MINK1: variants seen among roughly 807,000 people sequenced by gnomAD.
MINK1 encodes misshapen-like kinase 1.
A neutral mutation model predicts 178.4 loss-of-function variants in MINK1; 46 were observed. The observed-to-expected ratio is 0.26, with a 90% CI of 0.20 to 0.33. The LOEUF (loss-of-function observed/expected upper bound fraction) is 0.33, where lower values mean the gene tolerates loss of function less well. MINK1 is among the 10% of genes least tolerant of loss of function. MINK1 has a pLI of 1.00. For missense variants in MINK1, 1,366 were observed against 1,814.9 expected (o/e 0.75, Z 4.49); for synonymous variants, 797 against 709.7 (o/e 1.12, Z -1.96).
At chr17:4,879,487 C>T (rs1967504064) in intron 2 of MINK1, among the ~76,000 whole-genome samples, 1 of 152,120 alleles carries the variant, frequency 6.6e-6, no homozygotes, top group Admixed American at 6.5e-5. Context: ...CAATCTCTTG[C>T]CTTGTTGTTG....
intron 1 of MINK1, among the ~76,000 whole-genome samples, chr17:4,845,604 G>A (rs1251791000): frequency 6.6e-6 from 1 of 151,918 alleles, no homozygotes; most frequent in Non-Finnish European, 1.5e-5. Context: ...CATACTCCTG[G>A]ACAGACCCAA....
chr17:4,873,948 C>T (rs769708126), intron 1 of MINK1, among the ~76,000 whole-genome samples: 1 of 152,006 alleles, frequency 6.6e-6, no homozygotes, highest in Non-Finnish European at 1.5e-5. Flanking sequence ...ACAATCCAAC[C>T]CCCTCTTAGC....
In MINK1 at chr17:4,896,038, C is replaced by T; in HGVS notation, c.3400C>T (p.Leu1134Phe). 6.2e-7 allele frequency: 1 copy of T among 1,605,642 alleles called. No individual in the cohort carries two copies. Among genetic ancestry groups the T allele is most frequent in the Non-Finnish European group, 8.5e-7 (1 of 1,176,080 alleles). ...YERIKFLVIA[L>F]KSSVEVYAWA... ...GCGGATTAAGTTCCTGGTCATCGCC[C>T]TCAAGAGCTCCGTGGAGGTGTATGC... The change falls in exon 28 of 32, where the codon CTC becomes TTC. Residue 1134 changes from leucine (L) to phenylalanine (F), a missense_variant. By Grantham distance (22) the Leu-to-Phe change is conservative. Coordinates refer to ENST00000355280, the MANE Select transcript of MINK1 (RefSeq NM_153827.5). This position sits in a 1 kb window ranked among gnomAD's most constrained non-coding sequence, Gnocchi z 4.6.
Position 4,887,271 on chromosome 17 carries a change from G to A in MINK1, c.1019+92G>A, listed in dbSNP as rs911632116. On this transcript the variant is annotated intron_variant, in intron 11 of 31. Coordinates refer to ENST00000355280, the MANE Select transcript of MINK1 (RefSeq NM_153827.5). The surrounding 1 kb of genome is among the most constrained non-coding windows in gnomAD (Gnocchi z 7.6). ...TGGCTTTGGGGACTCTCAGCCTGGG[G>A]GTGGTGGGCACAGAGAGGTAGAGAC... 26 of 1,328,670 alleles carry A rather than the reference G, an allele frequency of 2.0e-5. No individual in the cohort carries two copies. In the African/African-American group the frequency reaches 3.5e-4, roughly 18 times the overall value. 82.3% of individuals were successfully genotyped at this position (1,328,670 alleles called of 1,614,324 possible).
In MINK1 at chr17:4,892,206, T is replaced by C. The variant is rs1299079555; in HGVS notation, c.2059T>C (p.Ser687Pro). 6.3e-7 allele frequency: 1 copy of C among 1,596,754 alleles called. No homozygotes were observed. The highest frequency in any genetic ancestry group is 8.5e-7 in the Non-Finnish European group (1 of 1,172,744). The change falls in exon 17 of 32, where the codon TCC becomes CCC. Residue 687 changes from serine to proline, a missense_variant. Ser to Pro is a moderately conservative substitution (Grantham distance 74). Around this residue, in one of 14 missense-constraint regions of MINK1, gnomAD observed 709 missense variants for 692.3 expected, o/e 1.02. Coordinates refer to ENST00000355280, the MANE Select transcript of MINK1 (RefSeq NM_153827.5). ...CCTTAACACCAGTGGGGCCGGAGGG[T>C]CCCGGCCAGCCCAGGCAGTCCGTGC... The part of the protein sequence containing the change: ...TALNTSGAGG[S>P]RPAQAVRARP...
Position 4,897,505 on chromosome 17 carries a change from C to CCAGCTTCTGGGGAGGGACA in MINK1, c.*226_*244dup. ...CCTCTTCCCAAAACTGTGCCTGTCC[C>CCAGCTTCTGGGGAGGGACA]CAGCTTCTGGGGAGGGACACAGCTT... On this transcript the variant is annotated 3_prime_UTR_variant, in exon 32 of 32. Coordinates refer to ENST00000355280, the MANE Select transcript of MINK1 (RefSeq NM_153827.5). 1 of 533,448 alleles carries CCAGCTTCTGGGGAGGGACA rather than the reference C, an allele frequency of 1.9e-6. No homozygotes were observed. Among genetic ancestry groups the CCAGCTTCTGGGGAGGGACA allele is most frequent in the South Asian group, 2.3e-5 (1 of 43,006 alleles). 33.0% of individuals were successfully genotyped at this position (533,448 alleles called of 1,614,324 possible).
Position 4,890,539 on chromosome 17 carries a change from A to C in MINK1, c.1370A>C (p.Glu457Ala). The C allele has an allele frequency of 6.3e-7, 1 of 1,590,264 alleles. No homozygotes were observed. The highest frequency in any genetic ancestry group is 8.6e-7 in the Non-Finnish European group (1 of 1,169,058). ...REQEYKRKQL[E>A]EQRQSERLQR... Reference sequence around the variant, plus strand: ...CAGGAATACAAGCGGAAGCAGCTGGAGGAGCAGCGGCAGTCAGAACGTCTC... The same window carrying C: ...CAGGAATACAAGCGGAAGCAGCTGGCGGAGCAGCGGCAGTCAGAACGTCTC... The change falls in exon 14 of 32, where the codon GAG becomes GCG. Residue 457 changes from glutamate (E) to alanine (A), a missense_variant. Glu to Ala is a moderately radical substitution (Grantham distance 107). Coordinates refer to ENST00000355280, the MANE Select transcript of MINK1 (RefSeq NM_153827.5).
chr17:4,856,222 G>A (rs1913109978), intron 1 of MINK1, among the ~76,000 whole-genome samples: 1 of 152,094 alleles, frequency 6.6e-6, no homozygotes, highest in Non-Finnish European at 1.5e-5. Context: ...GTTGGCTCTG[G>A]GGTAAATGGA....
At chr17:4,883,728 CAG>C (rs1464412967) in intron 4 of MINK1, among the ~76,000 whole-genome samples, 1 of 139,110 alleles carries the variant, frequency 7.2e-6, no homozygotes, top group Non-Finnish European at 1.5e-5. Flanking sequence ...TTAGTAGAGA[CAG>C]GGTTTCACCG....
intron 1 of MINK1, among the ~76,000 whole-genome samples, chr17:4,860,155 G>A (rs1028413315): frequency 1.3e-5 from 2 of 152,198 alleles, no homozygotes. Flanking sequence ...GAATGAGGAC[G>A]GGTAGCCAGA....
intron 1 of MINK1, among the ~76,000 whole-genome samples, chr17:4,845,552 G>A (rs1321368274): frequency 2.0e-5 from 3 of 152,008 alleles, no homozygotes; most frequent in East Asian, 1.9e-4. Flanking sequence ...TCCAGGCCTC[G>A]ACAGTTGAGA....
Position 4,894,454 on chromosome 17 carries a change from G to A in MINK1, c.2809-71G>A, listed in dbSNP as rs1969215535. 1 of 1,520,352 alleles carries A rather than the reference G, an allele frequency of 6.6e-7. No homozygotes were observed. The highest frequency in any genetic ancestry group is 1.4e-5 in the African/African-American group (1 of 72,620). 94.2% of individuals were successfully genotyped at this position (1,520,352 alleles called of 1,614,324 possible). ...TGCCAGTTGGGGAGCTGGAGCCTGGGGAACAGCAGCAGGGGCAGGGCCGCA... is the reference window on the plus strand; with the variant it reads ...TGCCAGTTGGGGAGCTGGAGCCTGGAGAACAGCAGCAGGGGCAGGGCCGCA... On this transcript the variant is annotated intron_variant, in intron 23 of 31. Transcript: ENST00000355280. The surrounding 1 kb of genome is among the most constrained non-coding windows in gnomAD (Gnocchi z 4.1).
In MINK1 at chr17:4,897,406, G is replaced by A. The variant is rs955829655; in HGVS notation, c.*119G>A. ...TTGCTTTTACTGGTTTGATTTCACT[G>A]GAGCCTGCTGGGAACGTGACCTCTG... On this transcript the variant is annotated 3_prime_UTR_variant, in exon 32 of 32. Coordinates refer to ENST00000355280, the MANE Select transcript of MINK1 (RefSeq NM_153827.5). The A allele has an allele frequency of 8.1e-6, 7 of 869,122 alleles. No homozygotes were observed. Among genetic ancestry groups the A allele is most frequent in the Non-Finnish European group, 1.1e-5 (6 of 553,622 alleles). The allele number at this position is 869,122 out of a possible 1,614,324, so 53.8% of individuals were successfully genotyped here.
intron 1 of MINK1, among the ~76,000 whole-genome samples, chr17:4,845,165 G>C (rs774574089): frequency 6.6e-6 from 1 of 152,102 alleles, no homozygotes; most frequent in Admixed American, 6.6e-5. Flanking sequence ...TGTATCATCA[G>C]CCAACCCAGA....
intron 20 of MINK1, 181 bp downstream of exon 20, chr17:4,893,248 T>C (rs1299633379): frequency 6.2e-7 from 1 of 1,609,706 alleles, no homozygotes; most frequent in South Asian, 1.1e-5. Flanking sequence ...TCTCCTAACC[T>C]CTCTTCTGGC....
At chr17:4,861,512 T>A (rs1190934234) in intron 1 of MINK1, among the ~76,000 whole-genome samples, 1 of 152,126 alleles carries the variant, frequency 6.6e-6, no homozygotes, top group Admixed American at 6.6e-5. Context: ...TATTTATTTA[T>A]TTTTTTGAGT....
intron 1 of MINK1, among the ~76,000 whole-genome samples, chr17:4,877,721 G>T (rs1967309688): frequency 6.6e-6 from 1 of 151,152 alleles, no homozygotes; most frequent in African/African-American, 2.4e-5. Flanking sequence ...TGCACATGAG[G>T]GTACAGACGC....
At position 4,867,138 on chromosome 17, in the gene MINK1, G is replaced by GTTTT. The variant is rs759995957; in HGVS notation, c.58-11155_58-11152dup. Among the ~76,000 whole-genome samples the GTTTT allele has an allele frequency of 2.0e-3, 133 of 64,910 alleles. 16 individuals carry two copies. Among genetic ancestry groups the GTTTT allele is most frequent in the African/African-American group, 8.1e-3 (124 of 15,398 alleles). 42.6% of individuals were successfully genotyped at this position (64,910 alleles called of 152,430 possible). ...CACTATAGTAGGTGCTCTTAGGACT[G>GTTTT]TTTTTTTTTTTTTTTTTTTTTTTTT... On this transcript the variant is annotated intron_variant, in intron 1 of 31. Transcript: ENST00000355280.
In MINK1 at chr17:4,893,034, C is replaced by T. The variant is rs756349414; in HGVS notation, c.2367C>T (p.Pro789=). ...TCTCCCCTGGGAATAAAGCCAAGCC[C>T]GACGACCACCGCTCACGGCCAGGCC... ...PVLSPGNKAK[P]DDHRSRPGRP... Residue 789 remains proline (P), a synonymous_variant, in exon 20 of 32, where the codon CCC becomes CCT. Coordinates refer to ENST00000355280, the MANE Select transcript of MINK1 (RefSeq NM_153827.5). 6.3e-6 allele frequency: 10 copies of T among 1,576,322 alleles called. 1 individual carries two copies. In the East Asian group the frequency reaches 1.7e-4, roughly 26 times the overall value.
Sources: gnomAD v4.1 joint callset for allele counts (sites outside exome capture counted in the v4.1 genomes callset) on GRCh38, gnomAD v4.1.1 for gene constraint, gnomAD v4.1.1 regional missense constraint, Gnocchi (gnomAD v3.1) non-coding constraint, MANE v1.5 for transcripts, NCBI Gene and HGNC (gene_info 2026-07-23, HGNC 2026-07-21) for gene names.